Variants in CSNK2A2 observed in about 807,000 individuals in gnomAD.
CSNK2A2 encodes the protein casein kinase II subunit alpha'.
In CSNK2A2, 8 loss-of-function variants were observed where a neutral mutation model predicts 54.0. The observed-to-expected ratio is 0.15, with a 90% confidence interval of 0.09 to 0.27. The LOEUF (loss-of-function observed/expected upper bound fraction) is 0.27. Ranked by LOEUF, CSNK2A2 falls within the 10% of genes least tolerant of loss-of-function variation. The pLI, the probability that CSNK2A2 is intolerant of heterozygous loss-of-function variation, is 1.00. For missense variants in CSNK2A2, 242 were observed against 439.4 expected (o/e 0.55, Z 4.02); for synonymous variants, 141 against 153.9 (o/e 0.92, Z 0.62).
intron 10 of CSNK2A2, among the ~76,000 whole-genome samples, chr16:58,165,312 A>G (rs542379545): frequency 1.2e-4 from 18 of 152,360 alleles, no homozygotes; most frequent in Admixed American, 4.6e-4. Context: ...CTATTAACTC[A>G]GGGTAACAGG....
Position 58,165,656 on chromosome 16 carries a change from C to T in CSNK2A2, c.880G>A (p.Val294Ile), listed in dbSNP as rs1398029204. ...NFIHSENRHL[V>I]SPEALDLLDK... Reference sequence around the variant, plus strand: ...AGAAGATCTAGGGCCTCAGGGCTGACAAGGTGTCTGTTCTCACTATGGATA... The same window carrying T: ...AGAAGATCTAGGGCCTCAGGGCTGATAAGGTGTCTGTTCTCACTATGGATA... Residue 294 changes from valine to isoleucine, a missense_variant, in exon 10 of 12, where the codon GTC becomes ATC. Val to Ile is a conservative substitution (Grantham distance 29). Around this residue, in one of 5 missense-constraint regions of CSNK2A2, gnomAD observed 81 missense variants for 135.0 expected, o/e 0.60. Transcript: ENST00000262506. The T allele has an allele frequency of 6.2e-7, 1 of 1,613,990 alleles. No individual in the cohort carries two copies. Among genetic ancestry groups the T allele is most frequent in the African/African-American group, 1.3e-5 (1 of 74,924 alleles).
At chr16:58,168,494 G>A (rs1054300749) in intron 6 of CSNK2A2, 116 bp downstream of exon 6, 11 of 704,728 alleles carry the variant, frequency 1.6e-5, no homozygotes, top group African/African-American at 5.3e-5. Context: ...TCACAGTAAC[G>A]AAAGTTTGCC....
intron 3 of CSNK2A2, among the ~76,000 whole-genome samples, chr16:58,186,422 G>C (rs566966580): frequency 1.3e-5 from 2 of 152,314 alleles, no homozygotes; most frequent in African/African-American, 2.4e-5. Flanking sequence ...GTGAGGTAGA[G>C]TAACACAAAT....
At chr16:58,183,564 C>G (rs1962119382) in intron 4 of CSNK2A2, among the ~76,000 whole-genome samples, 1 of 152,068 alleles carries the variant, frequency 6.6e-6, no homozygotes, top group Admixed American at 6.6e-5. Context: ...CCCTGAAAAT[C>G]AACACTACTA....
At chr16:58,186,108 T>G (rs2142441874) in intron 3 of CSNK2A2, among the ~76,000 whole-genome samples, 1 of 152,178 alleles carries the variant, frequency 6.6e-6, no homozygotes, top group Non-Finnish European at 1.5e-5. Context: ...AGTGGGGAGG[T>G]GAGGTGTCTC....
intron 2 of CSNK2A2, among the ~76,000 whole-genome samples, chr16:58,191,371 AT>A (rs1036141591): frequency 5.3e-5 from 8 of 150,958 alleles, no homozygotes; most frequent in African/African-American, 1.7e-4. Context: ...ATTTTATTTT[AT>A]TTTTTTTTAG....
intron 1 of CSNK2A2, 63 bp from the exon 2 acceptor site, chr16:58,196,907 G>A: frequency 1.0e-6 from 1 of 997,332 alleles, no homozygotes; most frequent in Non-Finnish European, 1.6e-6. Flanking sequence ...TATGCCCACT[G>A]TACACGTCAT....
chr16:58,162,127 AG>A (rs1961398114), intron 11 of CSNK2A2: 1 of 151,722 alleles, frequency 6.6e-6, no homozygotes, highest in Admixed American at 6.6e-5. Context: ...GTGATAAAGG[AG>A]ATTGGAGGGG....
chr16:58,196,712 T>G (rs1597129393), intron 2 of CSNK2A2, 21 bp downstream of exon 2: 1 of 1,514,852 alleles, frequency 6.6e-7, no homozygotes, highest in South Asian at 1.1e-5. Flanking sequence ...AAATGTTACA[T>G]ACCACTCATA....
Position 58,165,603 on chromosome 16 carries a change from T to C in CSNK2A2, c.933A>G (p.Gln311=), listed in dbSNP as rs753816350. 32 of 1,613,944 alleles carry C rather than the reference T, an allele frequency of 2.0e-5. No homozygotes were observed. The highest frequency in any genetic ancestry group is 2.4e-5 in the Non-Finnish European group (28 of 1,179,984). ...LLDKLLRYDH[Q]QRLTAKEAME... ...TGGCCTCTTTGGCAGTCAGTCTCTG[T>C]TGATGGTCGTATCGCAGAAGTTTGT... Residue 311 remains glutamine (Q), a synonymous_variant, in exon 10 of 12, where the codon CAA becomes CAG. Transcript: ENST00000262506.
At chr16:58,185,735 C>T (rs1330821266) in intron 3 of CSNK2A2, among the ~76,000 whole-genome samples, 2 of 152,234 alleles carry the variant, frequency 1.3e-5, no homozygotes, top group Non-Finnish European at 2.9e-5. Flanking sequence ...CCTTCTCAGT[C>T]TTCTCAGGGT....
intron 11 of CSNK2A2, chr16:58,161,068 A>C (rs553160834): frequency 1.3e-5 from 2 of 152,356 alleles, no homozygotes; most frequent in East Asian, 3.9e-4. Context: ...TACCCTGCCT[A>C]CAGGGATAGG....
intron 4 of CSNK2A2, among the ~76,000 whole-genome samples, chr16:58,183,058 G>A (rs1251357451): frequency 6.6e-6 from 1 of 152,106 alleles, no homozygotes; most frequent in East Asian, 1.9e-4. Context: ...TCATTTTAGA[G>A]TGATTAAGAA....
At chr16:58,192,492 G>C (rs1265860432) in intron 2 of CSNK2A2, 1 of 151,266 alleles carries the variant, frequency 6.6e-6, no homozygotes, top group Non-Finnish European at 1.5e-5. Flanking sequence ...GAGGCTTCAA[G>C]AGAATAAAGC....
In CSNK2A2 at chr16:58,196,796, A is replaced by G; in HGVS notation, c.153T>C (p.Tyr51=). The G allele has an allele frequency of 3.1e-6, 5 of 1,613,972 alleles. No individual in the cohort carries two copies. The highest frequency in any genetic ancestry group is 1.1e-5 in the South Asian group (1 of 91,074). The change falls in exon 2 of 12, where the codon TAT becomes TAC. Residue 51 remains tyrosine, a synonymous_variant. Transcript: ENST00000262506. The part of the protein sequence containing the change: ...QLVRKLGRGK[Y]SEVFEAINIT... ...TATTAATGGCCTCAAATACTTCACT[A>G]TATTTTCCCCGACCAAGTTTTCGAA... is the stretch of plus-strand genomic sequence containing the variant.
In CSNK2A2 at chr16:58,165,649, G is replaced by A. The variant is rs759457020; in HGVS notation, c.887C>T (p.Pro296Leu). ...IHSENRHLVS[P>L]EALDLLDKLL... ...TTTGTCCAGAAGATCTAGGGCCTCA[G>A]GGCTGACAAGGTGTCTGTTCTCACT... Residue 296 changes from proline to leucine, a missense_variant, in exon 10 of 12, where the codon CCT (proline) becomes CTT (leucine). This residue lies in a region of CSNK2A2 where 81 missense variants were observed against 135.0 expected (regional missense o/e 0.60). Transcript: ENST00000262506. 5 of 1,614,054 alleles carry A rather than the reference G, an allele frequency of 3.1e-6. No homozygotes were observed. The highest frequency in any genetic ancestry group is 1.1e-5 in the South Asian group (1 of 91,052).
At position 58,197,586 on chromosome 16, in the gene CSNK2A2, CG is replaced by C; in HGVS notation, c.104+46del. On this transcript the variant is annotated intron_variant, in intron 1 of 11. Transcript: ENST00000262506. This position sits in a 1 kb window ranked among gnomAD's most constrained non-coding sequence, Gnocchi z 4.0. ...GTGCGGTTCGCAGGGGGTGGCCGGG[CG>C]GGGGCAGGGATCAGCGGGCCCGGCG... is the stretch of plus-strand genomic sequence containing the variant. 8 of 1,345,194 alleles carry C rather than the reference CG, an allele frequency of 5.9e-6. No individual in the cohort carries two copies. The East Asian group carries it at 8.6e-5, about 14-fold the overall frequency. The allele number at this position is 1,345,194 out of a possible 1,614,324, so 83.3% of individuals were successfully genotyped here. A position where few individuals can be genotyped will look rare whatever the true frequency, so the allele number is the denominator to read the frequency against.
In CSNK2A2 at chr16:58,174,498, T is replaced by C. The variant is rs749317833; in HGVS notation, c.382A>G (p.Ile128Val). Residue 128 changes from isoleucine to valine, a missense_variant, in exon 5 of 12, where the codon ATC becomes GTC. By Grantham distance (29) the Ile-to-Val change is conservative. Transcript: ENST00000262506. ...NNTDFKQLYQ[I>V]LTDFDIRFYM... is the part of the protein sequence containing the mutation. ...AACCGGATATCAAAGTCTGTCAGGA[T>C]CTGGTAGAGTTGCTGAAACAGATTC... is the stretch of plus-strand genomic sequence containing the variant. 6.2e-7 allele frequency: 1 copy of C among 1,612,450 alleles called. No individual in the cohort carries two copies. Among genetic ancestry groups the C allele is most frequent in the African/African-American group, 1.3e-5 (1 of 74,928 alleles).
intron 4 of CSNK2A2, among the ~76,000 whole-genome samples, chr16:58,179,500 CA>C (rs34109104): frequency 0.34 from 44,719 of 133,212 alleles, 6,862 homozygotes; most frequent in African/African-American, 0.42. Context: ...GGCTCTGTCT[CA>C]AAAAAAAAAA....
Sources: gnomAD v4.1 joint callset for allele counts (sites outside exome capture counted in the v4.1 genomes callset) on GRCh38, gnomAD v4.1.1 for gene constraint, gnomAD v4.1.1 regional missense constraint, Gnocchi (gnomAD v3.1) non-coding constraint, MANE v1.5 for transcripts, NCBI Gene and HGNC (gene_info 2026-07-23, HGNC 2026-07-21) for gene names.